ZFP2: variants seen among roughly 807,000 people sequenced by gnomAD.
ZFP2 encodes the protein zinc finger protein ZFP2.
In ZFP2, 33 loss-of-function variants were observed where a neutral mutation model predicts 36.1. The ratio of observed to expected loss-of-function variants is 0.92; its 90% CI spans 0.69 to 1.22. The LOEUF is 1.22. Ranked by LOEUF, ZFP2 falls within the 50% of genes most tolerant of loss-of-function variation. ZFP2 has a pLI of 0.00. For synonymous variants in ZFP2, 170 were observed against 178.0 expected (o/e 0.96, Z 0.36); for missense variants, 522 against 551.4 (o/e 0.95, Z 0.53).
intron 4 of ZFP2, among the ~76,000 whole-genome samples, chr5:178,919,056 G>A (rs113888601): frequency 6.6e-6 from 1 of 152,096 alleles, no homozygotes; most frequent in Non-Finnish European, 1.5e-5. Context: ...CACACTTCTG[G>A]AATAACATTA....
chr5:178,932,075 C>G lies in ZFP2; in HGVS notation c.762C>G (p.Ser254Arg), dbSNP rs1174950807. Residue 254 changes from serine (S) to arginine (R), a missense_variant, in exon 5 of 5, where the codon AGC (serine) becomes AGG (arginine). By Grantham distance (110) the Ser-to-Arg change is moderately radical. Coordinates refer to ENST00000361362, the MANE Select transcript of ZFP2 (RefSeq NM_030613.4). ...AATGTGGAAAAGCCTTCAGTCAAAGCATGCATCTTATTGTACATCAGAGAA... is the reference window on the plus strand; with the variant it reads ...AATGTGGAAAAGCCTTCAGTCAAAGGATGCATCTTATTGTACATCAGAGAA... ...CNECGKAFSQ[S>R]MHLIVHQRSH... is the part of the protein sequence containing the mutation. 6.2e-7 allele frequency: 1 copy of G among 1,613,918 alleles called. No individual in the cohort carries two copies. Among genetic ancestry groups the G allele is most frequent in the Non-Finnish European group, 8.5e-7 (1 of 1,179,988 alleles).
At chr5:178,903,836 C>T (rs6863160) in intron 1 of ZFP2, among the ~76,000 whole-genome samples, 15,357 of 151,936 alleles carry the variant, frequency 0.1, 819 homozygotes, top group Non-Finnish European at 0.12. Flanking sequence ...TACAAAAATA[C>T]AAAAATTAGC....
intron 1 of ZFP2, among the ~76,000 whole-genome samples, chr5:178,899,168 A>C (rs974503530): frequency 6.6e-6 from 1 of 152,154 alleles, no homozygotes. Context: ...TCCAGAGTTT[A>C]AATCCCAGCT....
At chr5:178,913,230 A>C (rs114501116) in intron 3 of ZFP2, among the ~76,000 whole-genome samples, 159 bp downstream of exon 3, 415 of 152,292 alleles carry the variant, frequency 2.7e-3, no homozygotes, top group African/African-American at 9.6e-3. Flanking sequence ...GGGCTCACTT[A>C]TGTCATCTTG....
At chr5:178,929,321 G>T (rs1451326815) in intron 4 of ZFP2, among the ~76,000 whole-genome samples, 2 of 151,570 alleles carry the variant, frequency 1.3e-5, no homozygotes, top group African/African-American at 4.9e-5. Context: ...CACATGGCCA[G>T]GCTGCAAATG....
rs1172815509 is a variant in ZFP2, at chr5:178,925,278, C to T, written c.-77-5959C>T. ...GTTACTCCATTGTATGAACACTTGA[C>T]GATCTTGTTATCCATTTTTTGATGA... On this transcript the variant is annotated intron_variant, in intron 4 of 4. Coordinates refer to ENST00000361362, the MANE Select transcript of ZFP2 (RefSeq NM_030613.4). Among the ~76,000 whole-genome samples the T allele has an allele frequency of 1.3e-5, 2 of 148,640 alleles. 1 individual carries two copies.
At chr5:178,904,859 C>T (rs950506403) in intron 1 of ZFP2, among the ~76,000 whole-genome samples, 1 of 151,832 alleles carries the variant, frequency 6.6e-6, no homozygotes, top group African/African-American at 2.4e-5. Flanking sequence ...CGTGCCACCA[C>T]GCCTGGCTAA....
intron 4 of ZFP2, among the ~76,000 whole-genome samples, chr5:178,917,093 G>A (rs938444282): frequency 6.6e-6 from 1 of 152,148 alleles, no homozygotes; most frequent in Admixed American, 6.5e-5. Flanking sequence ...GAAATTTTTA[G>A]TAATGTGGAA....
intron 1 of ZFP2, among the ~76,000 whole-genome samples, chr5:178,898,270 G>A (rs986323019): frequency 3.9e-5 from 6 of 152,216 alleles, no homozygotes; most frequent in African/African-American, 1.4e-4. Flanking sequence ...ACAGGCGTGA[G>A]CCACCGCGCA....
intron 1 of ZFP2, among the ~76,000 whole-genome samples, chr5:178,903,836 C>A (rs6863160): frequency 3.3e-5 from 5 of 151,842 alleles, no homozygotes; most frequent in African/African-American, 9.7e-5. Context: ...TACAAAAATA[C>A]AAAAATTAGC....
At chr5:178,910,995 ATTATGCGGTC>A (rs997338669) in intron 1 of ZFP2, among the ~76,000 whole-genome samples, 1 of 152,146 alleles carries the variant, frequency 6.6e-6, no homozygotes, top group Non-Finnish European at 1.5e-5. Flanking sequence ...TTTTCTGGTT[ATTATGCGGTC>A]TTATTTCCTT....
intron 3 of ZFP2, among the ~76,000 whole-genome samples, chr5:178,914,588 A>G (rs1227492922): frequency 6.6e-6 from 1 of 152,200 alleles, no homozygotes; most frequent in Non-Finnish European, 1.5e-5. Context: ...GACTACAGCA[A>G]TAAGCACAGC....
chr5:178,919,375 G>C (rs1758505965), intron 4 of ZFP2, among the ~76,000 whole-genome samples: 1 of 152,084 alleles, frequency 6.6e-6, no homozygotes, highest in Non-Finnish European at 1.5e-5. Flanking sequence ...AAGAGTTCTG[G>C]CTCTGATATT....
At chr5:178,904,004 GAAAA>G (rs200657757) in intron 1 of ZFP2, among the ~76,000 whole-genome samples, 2 of 140,180 alleles carry the variant, frequency 1.4e-5, no homozygotes, top group Non-Finnish European at 3.2e-5. Flanking sequence ...AAAGAAAAAA[GAAAA>G]AAAAAAGAAA....
chr5:178,905,800 G>A (rs192156944), intron 1 of ZFP2, among the ~76,000 whole-genome samples: 147 of 151,222 alleles, frequency 9.7e-4, no homozygotes, highest in African/African-American at 3.4e-3. Flanking sequence ...TGCCCAGACT[G>A]GACTACAGTG....
chr5:178,921,783 G>A (rs1758566233), intron 4 of ZFP2, among the ~76,000 whole-genome samples: 1 of 149,106 alleles, frequency 6.7e-6, no homozygotes, highest in Non-Finnish European at 1.5e-5. Context: ...TTGGATTTTG[G>A]TTCTCTTCCC....
In ZFP2 at chr5:178,928,840, G is replaced by C. The variant is rs145545166; in HGVS notation, c.-77-2397G>C. Among the ~76,000 whole-genome samples, 1,091 of 152,368 alleles carry C rather than the reference G, an allele frequency of 7.2e-3. 4 individuals are homozygous for C. The highest frequency in any genetic ancestry group is 0.011 in the Admixed American group (166 of 15,306). Reference sequence around the variant, plus strand: ...TTCTCCTCTGCACTGCCCTAGTATAGGTTCTCTGTGTGGCCTCTGCCCCTG... The same window carrying C: ...TTCTCCTCTGCACTGCCCTAGTATACGTTCTCTGTGTGGCCTCTGCCCCTG... On this transcript the variant is annotated intron_variant, in intron 4 of 4. Coordinates refer to ENST00000361362, the MANE Select transcript of ZFP2 (RefSeq NM_030613.4).
In ZFP2 at chr5:178,931,499, T is replaced by C. The variant is rs762063738; in HGVS notation, c.186T>C (p.Asp62=). ...GTTCCAGTCAGGATTCAATCCTTGA[T>C]ACACAGCAAAGCATTCCTATGGTAA... The part of the protein sequence containing the change: ...ERCSSQDSIL[D]TQQSIPMVKR... The change falls in exon 5 of 5, where the codon GAT becomes GAC. Residue 62 remains aspartate, a synonymous_variant. Coordinates refer to ENST00000361362, the MANE Select transcript of ZFP2 (RefSeq NM_030613.4). 49 of 1,614,048 alleles carry C rather than the reference T, an allele frequency of 3.0e-5. No homozygotes were observed. Among genetic ancestry groups the C allele is most frequent in the Non-Finnish European group, 2.3e-5 (27 of 1,180,036 alleles).
chr5:178,915,838 T>C (rs1278556901), intron 3 of ZFP2: 2 of 152,148 alleles, frequency 1.3e-5, no homozygotes, highest in African/African-American at 4.8e-5. Context: ...ATATGTAGGC[T>C]CACCGAATTG....
Sources: allele counts gnomAD v4.1 joint callset (sites outside exome capture counted in the v4.1 genomes callset), GRCh38; gene constraint gnomAD v4.1.1; transcripts MANE v1.5; gene names NCBI Gene and HGNC (gene_info 2026-07-23, HGNC 2026-07-21).